The following ZNF394 variants were observed in gnomAD, a reference collection of about 807,000 sequenced individuals.
ZNF394 encodes zinc finger protein 99.
A neutral mutation model predicts 21.8 loss-of-function variants in ZNF394; 19 were observed. The observed-to-expected ratio is 0.87, with a 90% CI of 0.61 to 1.28. The LOEUF is 1.28. ZNF394 is among the 50% of genes most tolerant of loss of function. The pLI is 0.00. For missense variants in ZNF394, 683 were observed against 708.6 expected (o/e 0.96, Z 0.41); for synonymous variants, 294 against 273.3 (o/e 1.08, Z -0.75).
At chr7:99,492,958 AATAC>A (rs1050921084), downstream of ZNF394, among the ~76,000 whole-genome samples, 8 of 152,062 alleles carry the variant, frequency 5.3e-5, no homozygotes, top group Non-Finnish European at 1.2e-4. Context: ...TCTCAAAAAT[AATAC>A]ATAAAGGTAG....
intron 1 of ZNF394, chr7:99,487,577 T>C (rs1800044794): frequency 6.9e-7 from 1 of 1,459,336 alleles, no homozygotes. Context: ...TGAAAAGCAA[T>C]AAATGTAACA....
intron 2 of ZNF394, among the ~76,000 whole-genome samples, chr7:99,496,730 T>A (rs2151083079): frequency 6.6e-6 from 1 of 151,820 alleles, no homozygotes; most frequent in South Asian, 2.1e-4. Context: ...GTATTACTAT[T>A]TTTTTTATTA....
Position 99,499,965 on chromosome 7 carries a change from T to A in ZNF394, c.129A>T (p.Glu43Asp), listed in dbSNP as rs1437785813. The change falls in exon 1 of 3, where the codon GAA becomes GAT. Residue 43 changes from glutamate to aspartate, a missense_variant. Physicochemically the swap from Glu to Asp is conservative, Grantham distance 45. Around this residue, in one of 3 missense-constraint regions of ZNF394, gnomAD observed 402 missense variants for 373.8 expected, o/e 1.08. Coordinates refer to ENST00000337673, the MANE Select transcript of ZNF394 (RefSeq NM_032164.4). ...RDGLLPVKVE[E>D]DSPGSWEPNY... ...TGGGCTCCCAACTTCCGGGTGAGTC[T>A]TCCTCCACTTTCACGGGCAAAAGTC... 5 of 1,613,576 alleles carry A rather than the reference T, an allele frequency of 3.1e-6. No homozygotes were observed. Among genetic ancestry groups the A allele is most frequent in the Non-Finnish European group, 3.4e-6 (4 of 1,180,034 alleles).
intron 2 of ZNF394, among the ~76,000 whole-genome samples, chr7:99,497,373 G>C (rs1584147024): frequency 6.7e-6 from 1 of 149,746 alleles, no homozygotes; most frequent in Non-Finnish European, 1.5e-5. Flanking sequence ...GTAGAGACAG[G>C]GTTTCACCGT....
At chr7:99,496,168 T>C (rs141512586) in intron 2 of ZNF394, among the ~76,000 whole-genome samples, 175 of 151,718 alleles carry the variant, frequency 1.2e-3, no homozygotes, top group Admixed American at 3.6e-3. Flanking sequence ...TTTTAGTAGG[T>C]ATTATAGTAG....
At chr7:99,497,118 G>GTATATA (rs755158094) in intron 2 of ZNF394, among the ~76,000 whole-genome samples, 32 of 97,146 alleles carry the variant, frequency 3.3e-4, no homozygotes, top group African/African-American at 1.4e-3. Flanking sequence ...GTGTGTGTGT[G>GTATATA]TGTGTATATA....
rs1389317966 is a variant in ZNF394, at chr7:99,499,772, C to T, written c.322G>A (p.Val108Met). ...AGGATGGTGAGGAACTGCTCCAGCACCAGCAGCTCCAGGATCTGCTCCTTG... is the reference window on the plus strand; with the variant it reads ...AGGATGGTGAGGAACTGCTCCAGCATCAGCAGCTCCAGGATCTGCTCCTTG... ...LSKEQILELL[V>M]LEQFLTILPE... Residue 108 changes from valine (V) to methionine (M), a missense_variant, in exon 1 of 3, where the codon GTG becomes ATG. Around this residue, in one of 3 missense-constraint regions of ZNF394, gnomAD observed 402 missense variants for 373.8 expected, o/e 1.08. Coordinates refer to ENST00000337673, the MANE Select transcript of ZNF394 (RefSeq NM_032164.4). The T allele has an allele frequency of 6.2e-7, 1 of 1,614,102 alleles. No homozygotes were observed. The highest frequency in any genetic ancestry group is 8.5e-7 in the Non-Finnish European group (1 of 1,180,050).
chr7:99,487,260 T>C (rs1724059398), intron 1 of ZNF394: 2 of 1,614,204 alleles, frequency 1.2e-6, no homozygotes, highest in Non-Finnish European at 1.7e-6. Flanking sequence ...GACAGTCCTT[T>C]GGTAGGAATG....
downstream of ZNF394, among the ~76,000 whole-genome samples, chr7:99,489,673 A>G (rs1332692156): frequency 2.0e-5 from 3 of 152,176 alleles, no homozygotes; most frequent in African/African-American, 4.8e-5. Context: ...AAAAGTGTCA[A>G]TTATGTTCTC....
exon 2 of ZNF394, chr7:99,486,751 C>T: frequency 6.2e-7 from 1 of 1,614,192 alleles, no homozygotes; most frequent in Non-Finnish European, 8.5e-7. Context: ...GGATGGCAAA[C>T]CCTTCAATCA....
chr7:99,496,820 T>C (rs1017300196), intron 2 of ZNF394, among the ~76,000 whole-genome samples: 9 of 150,378 alleles, frequency 6.0e-5, no homozygotes, highest in African/African-American at 2.2e-4. Flanking sequence ...AATCCTCCCA[T>C]CTGGGCCTCC....
At chr7:99,487,481 C>T in intron 1 of ZNF394, 2 of 1,607,318 alleles carry the variant, frequency 1.2e-6, no homozygotes, top group East Asian at 4.5e-5. Flanking sequence ...GGACAGATAT[C>T]CACATGATGT....
chr7:99,488,517 T>C (rs1034029085), downstream of ZNF394, among the ~76,000 whole-genome samples: 6 of 146,990 alleles, frequency 4.1e-5, no homozygotes, highest in African/African-American at 1.3e-4. Context: ...AAAAAAAAGA[T>C]TGAAGAATGC....
chr7:99,494,853 G>C (rs928744222), intron 2 of ZNF394, among the ~76,000 whole-genome samples: 2 of 151,852 alleles, frequency 1.3e-5, no homozygotes, highest in East Asian at 1.9e-4. Flanking sequence ...TCCTACCTCA[G>C]CCTCCCAAGT....
chr7:99,499,205 G>A (rs1800438011), intron 1 of ZNF394, among the ~76,000 whole-genome samples: 1 of 151,420 alleles, frequency 6.6e-6, no homozygotes, highest in Non-Finnish European at 1.5e-5. Context: ...GTGAAACCCC[G>A]TCTCTACTAA....
downstream of ZNF394, among the ~76,000 whole-genome samples, chr7:99,490,213 G>A (rs1008819595): frequency 3.5e-4 from 52 of 146,856 alleles, no homozygotes; most frequent in Admixed American, 3.2e-3. Context: ...GGAGTGCAGC[G>A]GTGAGATCTC....
At chr7:99,489,066 C>T (rs1800104648), downstream of ZNF394, among the ~76,000 whole-genome samples, 2 of 151,798 alleles carry the variant, frequency 1.3e-5, no homozygotes, top group South Asian at 2.1e-4. Context: ...GAGTGGATCA[C>T]GAGGTCAGGA....
rs955101116 is a variant in ZNF394 at position 99,494,758 on chromosome 7, C to G, written c.584-127G>C. 2.2e-6 allele frequency: 3 copies of G among 1,380,570 alleles called. No homozygotes were observed. The African/African-American group carries it at 4.5e-5, about 21-fold the overall frequency. 85.5% of individuals were successfully genotyped at this position (1,380,570 alleles called of 1,614,324 possible). A position where few individuals can be genotyped will look rare whatever the true frequency, so the allele number is the denominator to read the frequency against. On this transcript the variant is annotated intron_variant, in intron 2 of 2. Transcript: ENST00000337673. Reference sequence around the variant, plus strand: ...TAATTAATTAATTTATTTTTTGAGACGGTGTCTTGCTTTGTCACCAGGCTG... The same window carrying G: ...TAATTAATTAATTTATTTTTTGAGAGGGTGTCTTGCTTTGTCACCAGGCTG...
intron 1 of ZNF394, chr7:99,487,232 A>G (rs1053048118): frequency 3.1e-6 from 5 of 1,614,136 alleles, no homozygotes; most frequent in African/African-American, 1.3e-5. Context: ...CCGAACACCC[A>G]TAAATGCAGT....
Sources: allele counts gnomAD v4.1 joint callset (sites outside exome capture counted in the v4.1 genomes callset), GRCh38; gene constraint gnomAD v4.1.1; regional missense constraint gnomAD v4.1.1; transcripts MANE v1.5; gene names NCBI Gene and HGNC (gene_info 2026-07-23, HGNC 2026-07-21).